POLR1B: variants seen among roughly 807,000 people sequenced by gnomAD.
POLR1B encodes the protein RNA polymerase I subunit B.
Under a neutral mutation model 105.8 loss-of-function variants are expected in POLR1B, and 30 were observed. The observed-to-expected ratio is 0.28, with a 90% CI of 0.21 to 0.38. The LOEUF is 0.38. POLR1B is among the 10% of genes least tolerant of loss of function. The probability of loss-of-function intolerance (pLI) is 1.00; values close to 1 mark genes in which losing one functional copy is unlikely to be tolerated. For missense variants in POLR1B, 976 were observed against 1,435.8 expected (o/e 0.68, Z 5.17); for synonymous variants, 485 against 505.1 (o/e 0.96, Z 0.53).
chr2:112,555,569 C>T (rs1309260421), intron 7 of POLR1B, among the ~76,000 whole-genome samples: 2 of 151,998 alleles, frequency 1.3e-5, no homozygotes, highest in African/African-American at 2.4e-5. Flanking sequence ...AGAGGATTGC[C>T]TGAGCCCAGG....
At chr2:112,566,167 C>T (rs377251604) in intron 10 of POLR1B, among the ~76,000 whole-genome samples, 4 of 152,286 alleles carry the variant, frequency 2.6e-5, no homozygotes, top group African/African-American at 9.6e-5. Flanking sequence ...TTTGCTTCCT[C>T]ATGATGAGAT....
At position 112,550,849 on chromosome 2, in the gene POLR1B, G is replaced by T. The variant is rs1481645477; in HGVS notation, c.626-17G>T. ...ATATCAATGAGTTTCTGATTTTTTT[G>T]TTGTTTGGTTCAATAGGAGTTTCAA... On this transcript the variant is annotated splice_polypyrimidine_tract_variant and intron_variant, in intron 4 of 14. Coordinates refer to ENST00000263331, the MANE Select transcript of POLR1B (RefSeq NM_019014.6). 5 of 1,607,388 alleles carry T rather than the reference G, an allele frequency of 3.1e-6. No individual in the cohort carries two copies. The highest frequency in any genetic ancestry group is 2.7e-5 in the African/African-American group (2 of 74,538).
intron 10 of POLR1B, among the ~76,000 whole-genome samples, chr2:112,566,931 C>T (rs1194387758): frequency 6.6e-6 from 1 of 152,044 alleles, no homozygotes; most frequent in African/African-American, 2.4e-5. Context: ...TGGGGTTTCT[C>T]CATGTTGCCC....
At chr2:112,547,233 G>T in intron 2 of POLR1B, 54 bp downstream of exon 2, 1 of 1,590,696 alleles carries the variant, frequency 6.3e-7, no homozygotes, top group Non-Finnish European at 8.6e-7. Flanking sequence ...TTGGGAGTAG[G>T]GCGGGTGCCT....
In POLR1B at chr2:112,576,528, C is replaced by T. The variant is rs563004476; in HGVS notation, c.*799C>T. 1.3e-5 allele frequency: 2 copies of T among 152,344 alleles called. No homozygotes were observed. The highest frequency in any genetic ancestry group is 6.5e-5 in the Admixed American group (1 of 15,308). 9.4% of individuals were successfully genotyped at this position (152,344 alleles called of 1,614,324 possible). ...TGAACAACTCTCCATTTCCCTGGCC[C>T]CTAGCAACCACCCTTCTACCCTGTT... is the stretch of plus-strand genomic sequence containing the variant. On this transcript the variant is annotated 3_prime_UTR_variant, in exon 15 of 15. Coordinates refer to ENST00000263331, the MANE Select transcript of POLR1B (RefSeq NM_019014.6).
intron 8 of POLR1B, 106 bp from the exon 9 acceptor site, chr2:112,559,187 A>G: frequency 7.8e-7 from 1 of 1,278,552 alleles, no homozygotes; most frequent in East Asian, 2.3e-5. Flanking sequence ...GTAATAATTC[A>G]TTCTATGATC....
chr2:112,555,570 T>G (rs753559986), intron 7 of POLR1B, among the ~76,000 whole-genome samples: 2 of 152,098 alleles, frequency 1.3e-5, no homozygotes, highest in African/African-American at 4.8e-5. Context: ...GAGGATTGCC[T>G]GAGCCCAGGC....
At chr2:112,570,924 A>G (rs990805619) in intron 12 of POLR1B, among the ~76,000 whole-genome samples, 4 of 152,080 alleles carry the variant, frequency 2.6e-5, no homozygotes, top group Admixed American at 2.0e-4. Context: ...GATTACAGGC[A>G]TGTGCCACCA....
chr2:112,570,238 C>T (rs544477833), intron 12 of POLR1B, among the ~76,000 whole-genome samples: 1 of 151,274 alleles, frequency 6.6e-6, no homozygotes, highest in Admixed American at 6.6e-5. Context: ...AGTAGAGATA[C>T]GGTTTCACCA....
chr2:112,544,065 G>A (rs748275185), intron 1 of POLR1B, among the ~76,000 whole-genome samples: 1 of 151,808 alleles, frequency 6.6e-6, no homozygotes, highest in Non-Finnish European at 1.5e-5. Context: ...CTCCATCCTC[G>A]GTAACAGAGT....
chr2:112,549,412 G>A lies in POLR1B; in HGVS notation c.625+13G>A. 6.7e-7 allele frequency: 1 copy of A among 1,501,112 alleles called. No individual in the cohort carries two copies. Among genetic ancestry groups the A allele is most frequent in the Non-Finnish European group, 8.9e-7 (1 of 1,123,492 alleles). 93.0% of individuals were successfully genotyped at this position (1,501,112 alleles called of 1,614,324 possible). On this transcript the variant is annotated intron_variant, in intron 4 of 14. Transcript: ENST00000263331. ...TATACTCAGTATGGTAAGTTCTGGAGATTATTAGAATATTTTTTAAGGAAA... is the reference window on the plus strand; with the variant it reads ...TATACTCAGTATGGTAAGTTCTGGAAATTATTAGAATATTTTTTAAGGAAA...
chr2:112,562,769 A>G (rs1395887244), intron 9 of POLR1B, among the ~76,000 whole-genome samples: 2 of 128,008 alleles, frequency 1.6e-5, no homozygotes, highest in South Asian at 2.4e-4. Context: ...GCTCTTGCCC[A>G]GGCTGGAGTG....
Position 112,572,685 on chromosome 2 carries a change from A to G in POLR1B, c.2198A>G (p.Asp733Gly). The part of the protein sequence containing the change: ...RPSMYDYYDM[D>G]NYPIGTNAIV... ...TCCATGTATGATTATTATGACATGG[A>G]TAACTATCCAATTGGGACCAATGCC... The change falls in exon 13 of 15, where the codon GAT becomes GGT. Residue 733 changes from aspartate to glycine, a missense_variant. Coordinates refer to ENST00000263331, the MANE Select transcript of POLR1B (RefSeq NM_019014.6). The G allele has an allele frequency of 6.2e-7, 1 of 1,613,520 alleles. No homozygotes were observed. Among genetic ancestry groups the G allele is most frequent in the Non-Finnish European group, 8.5e-7 (1 of 1,179,736 alleles).
chr2:112,566,370 T>C (rs1041244386), intron 10 of POLR1B, among the ~76,000 whole-genome samples: 1 of 152,250 alleles, frequency 6.6e-6, no homozygotes, highest in Admixed American at 6.5e-5. Flanking sequence ...CACTAGTTGA[T>C]GGATTATTAG....
At position 112,547,306 on chromosome 2, in the gene POLR1B, A is replaced by G. The variant is rs1683108822; in HGVS notation, c.346-115A>G. 13 of 1,484,232 alleles carry G rather than the reference A, an allele frequency of 8.8e-6. No homozygotes were observed. In the South Asian group the frequency reaches 1.7e-4, roughly 19 times the overall value. 91.9% of individuals were successfully genotyped at this position (1,484,232 alleles called of 1,614,324 possible). On this transcript the variant is annotated intron_variant, in intron 2 of 14. Coordinates refer to ENST00000263331, the MANE Select transcript of POLR1B (RefSeq NM_019014.6). ...TTGTCTAAGAGATCCCACCTTCTAA[A>G]TCTAAGGCATAAAATAATTTAATTG...
chr2:112,568,009 C>T lies in POLR1B; in HGVS notation c.1789C>T (p.Leu597Phe). The T allele has an allele frequency of 6.2e-7, 1 of 1,614,102 alleles. No individual in the cohort carries two copies. Among genetic ancestry groups the T allele is most frequent in the Non-Finnish European group, 8.5e-7 (1 of 1,179,988 alleles). The change falls in exon 11 of 15, where the codon CTT becomes TTT. Residue 597 changes from leucine to phenylalanine, a missense_variant. By Grantham distance (22) the Leu-to-Phe change is conservative (BLOSUM62 0). Coordinates refer to ENST00000263331, the MANE Select transcript of POLR1B (RefSeq NM_019014.6). ...KRIPPWMEVV[L>F]IPMTGKPSLY... Reference sequence around the variant, plus strand: ...AATTCCTCCCTGGATGGAAGTGGTCCTTATACCCATGACAGGAAAACCAAG... The same window carrying T: ...AATTCCTCCCTGGATGGAAGTGGTCTTTATACCCATGACAGGAAAACCAAG...
chr2:112,569,820 A>G (rs781091777), intron 12 of POLR1B, among the ~76,000 whole-genome samples: 9 of 151,964 alleles, frequency 5.9e-5, no homozygotes, highest in Non-Finnish European at 1.2e-4. Context: ...TTGGCCTCCC[A>G]AAGTGCTGTA....
At chr2:112,559,630 C>G in intron 9 of POLR1B, 56 bp downstream of exon 9, 1 of 1,565,466 alleles carries the variant, frequency 6.4e-7, no homozygotes, top group Non-Finnish European at 8.7e-7. Flanking sequence ...TTTTTGTGTT[C>G]TTTTTGTTTG....
chr2:112,561,680 G>A (rs535522900), intron 9 of POLR1B, among the ~76,000 whole-genome samples: 15 of 152,196 alleles, frequency 9.9e-5, no homozygotes, highest in South Asian at 2.1e-4. Context: ...TATTGTTCAC[G>A]TGGTAACATT....
Sources: allele counts gnomAD v4.1 joint callset (sites outside exome capture counted in the v4.1 genomes callset), GRCh38; gene constraint gnomAD v4.1.1; transcripts MANE v1.5; gene names NCBI Gene and HGNC (gene_info 2026-07-23, HGNC 2026-07-21).